The following RERE variants were observed in gnomAD, a reference collection of about 807,000 sequenced individuals.
RERE encodes arginine-glutamic acid dipeptide repeats protein.
Under a neutral mutation model 146.1 loss-of-function variants are expected in RERE, and 40 were observed. That is an observed-to-expected ratio of 0.27 (90% CI 0.21 to 0.36). RERE has a LOEUF of 0.36. RERE is among the 10% of genes least tolerant of loss of function. The pLI, the probability that RERE is intolerant of heterozygous loss-of-function variation, is 1.00. For missense variants in RERE, 1,933 were observed against 2,138.7 expected (o/e 0.90, Z 1.90); for synonymous variants, 1,003 against 866.0 (o/e 1.16, Z -2.78).
chr1:8,364,907 G>T lies in RERE; in HGVS notation c.1448-69C>A. On this transcript the variant is annotated intron_variant, in intron 13 of 22. Transcript: ENST00000400908. This position sits in a 1 kb window ranked among gnomAD's most constrained non-coding sequence, Gnocchi z 5.1. Reference sequence around the variant, plus strand: ...ATGCTCAGCCAAGGCTGGGCCGGTGGGGTGGGGGGGAGGGGGGAACACCTG... The same window carrying T: ...ATGCTCAGCCAAGGCTGGGCCGGTGTGGTGGGGGGGAGGGGGGAACACCTG... 2 of 771,988 alleles carry T rather than the reference G, an allele frequency of 2.6e-6. No homozygotes were observed. Among genetic ancestry groups the T allele is most frequent in the Admixed American group, 2.1e-5 (1 of 47,138 alleles). The allele number at this position is 771,988 out of a possible 1,614,324, so 47.8% of individuals were successfully genotyped here.
At chr1:8,614,766 T>C in intron 3 of RERE, 80 bp from the exon 4 acceptor site, 1 of 1,478,052 alleles carries the variant, frequency 6.8e-7, no homozygotes, top group South Asian at 1.4e-5. Flanking sequence ...AGCACACAAG[T>C]CGGTATCTGC....
intron 1 of RERE, among the ~76,000 whole-genome samples, chr1:8,745,054 A>G (rs1470795302): frequency 6.6e-6 from 1 of 152,164 alleles, no homozygotes; most frequent in South Asian, 2.1e-4. Context: ...AGTGACTTCC[A>G]TGGTGATTTG....
At chr1:8,755,111 T>C (rs1301157241) in intron 1 of RERE, among the ~76,000 whole-genome samples, 1 of 152,234 alleles carries the variant, frequency 6.6e-6, no homozygotes, top group Non-Finnish European at 1.5e-5. Flanking sequence ...TTCCAAAGCT[T>C]AAATACCATG....
intron 8 of RERE, among the ~76,000 whole-genome samples, chr1:8,498,717 A>AAAT (rs1557659434): frequency 7.5e-6 from 1 of 134,160 alleles, no homozygotes; most frequent in African/African-American, 2.9e-5. Flanking sequence ...AAATAAAAAA[A>AAAT]AAAAAATAAA....
chr1:8,448,956 GGAAACCTCACGCAT>G (rs963250846), intron 11 of RERE, among the ~76,000 whole-genome samples: 1 of 152,006 alleles, frequency 6.6e-6, no homozygotes, highest in Non-Finnish European at 1.5e-5. Flanking sequence ...CACTCACACA[GGAAACCTCACGCAT>G]GAAACCTCAC....
intron 6 of RERE, among the ~76,000 whole-genome samples, chr1:8,551,998 G>A (rs1486001359): frequency 2.0e-5 from 3 of 152,216 alleles, no homozygotes; most frequent in African/African-American, 7.2e-5. Flanking sequence ...ATCAGCAGCT[G>A]TAGAAACTTA....
intron 4 of RERE, among the ~76,000 whole-genome samples, chr1:8,559,044 C>T (rs1646040295): frequency 1.3e-5 from 2 of 151,404 alleles, no homozygotes; most frequent in South Asian, 4.2e-4. Context: ...GATCCATCCA[C>T]CCACCTCGGC....
intron 1 of RERE, among the ~76,000 whole-genome samples, chr1:8,710,986 A>G (rs1639655680): frequency 6.6e-6 from 1 of 151,820 alleles, no homozygotes; most frequent in Non-Finnish European, 1.5e-5. Flanking sequence ...GCAACACCCC[A>G]TCTCCATTAA....
At chr1:8,794,552 AATGT>A (rs1172115519) in intron 1 of RERE, among the ~76,000 whole-genome samples, 1 of 152,002 alleles carries the variant, frequency 6.6e-6, no homozygotes, top group Non-Finnish European at 1.5e-5. Context: ...TTCCACAAAA[AATGT>A]ATTTACAGAT....
chr1:8,628,097 G>T (rs1646995796), intron 2 of RERE, among the ~76,000 whole-genome samples: 1 of 152,198 alleles, frequency 6.6e-6, no homozygotes, highest in Non-Finnish European at 1.5e-5. Flanking sequence ...AACGACCATG[G>T]CAACTCAAAC....
At chr1:8,372,079 A>G (rs1642058653) in intron 12 of RERE, among the ~76,000 whole-genome samples, 1 of 152,316 alleles carries the variant, frequency 6.6e-6, no homozygotes, top group East Asian at 1.9e-4. Context: ...GATAAGCCAC[A>G]TGTCTTCTCT....
chr1:8,654,734 A>G (rs1638229545), intron 2 of RERE, among the ~76,000 whole-genome samples: 1 of 151,844 alleles, frequency 6.6e-6, no homozygotes, highest in African/African-American at 2.4e-5. Flanking sequence ...CCCAGACTCA[A>G]GTGATGCTCC....
Position 8,812,029 on chromosome 1 carries a change from A to C in RERE, c.-145+5131T>G, listed in dbSNP as rs1641822350. Among the ~76,000 whole-genome samples the C allele has an allele frequency of 2.0e-5, 3 of 152,302 alleles. No homozygotes were observed. The South Asian group carries it at 6.2e-4, about 32-fold the overall frequency. On this transcript the variant is annotated intron_variant, in intron 1 of 22. Coordinates refer to ENST00000400908, the MANE Select transcript of RERE (RefSeq NM_001042681.2). ...CTGCAGACCTGGGGTTTTTGTTCTT[A>C]GGTGAGGCCTGGCTCGTACGGCTTA...
intron 7 of RERE, among the ~76,000 whole-genome samples, chr1:8,520,768 A>C (rs1193646770): frequency 1.3e-5 from 2 of 150,584 alleles, no homozygotes; most frequent in Non-Finnish European, 3.0e-5. Context: ...AAAAAAAAAA[A>C]AAAAAAAACC....
intron 1 of RERE, among the ~76,000 whole-genome samples, chr1:8,780,958 A>G (rs1287389271): frequency 6.6e-6 from 1 of 151,952 alleles, no homozygotes; most frequent in East Asian, 1.9e-4. Flanking sequence ...GCGGTAGCTC[A>G]TGTCTGTAAT....
chr1:8,730,020 T>C (rs916717054), intron 1 of RERE, among the ~76,000 whole-genome samples: 14 of 152,220 alleles, frequency 9.2e-5, no homozygotes, highest in East Asian at 3.8e-4. Context: ...ACACCTGAGA[T>C]AGGCTGATAT....
chr1:8,697,362 T>A (rs1235514567), intron 1 of RERE, among the ~76,000 whole-genome samples: 5 of 150,472 alleles, frequency 3.3e-5, no homozygotes, highest in Non-Finnish European at 4.4e-5. Context: ...TACACATGTA[T>A]CTTTCTTCCC....
At chr1:8,613,011 G>T (rs1646810568) in intron 4 of RERE, among the ~76,000 whole-genome samples, 1 of 152,134 alleles carries the variant, frequency 6.6e-6, no homozygotes, top group South Asian at 2.1e-4. Flanking sequence ...ATGTAAACGT[G>T]TTATGCTGTT....
At chr1:8,777,471 C>T (rs1054370346) in intron 1 of RERE, among the ~76,000 whole-genome samples, 2 of 150,590 alleles carry the variant, frequency 1.3e-5, no homozygotes, top group Admixed American at 6.6e-5. Flanking sequence ...ATTATATTTT[C>T]TACATGAAAT....
Sources: allele counts gnomAD v4.1 joint callset (sites outside exome capture counted in the v4.1 genomes callset), GRCh38; gene constraint gnomAD v4.1.1; non-coding constraint Gnocchi (gnomAD v3.1); transcripts MANE v1.5; gene names NCBI Gene and HGNC (gene_info 2026-07-23, HGNC 2026-07-21).